The following PTPRT variants were observed in gnomAD, a reference collection of about 807,000 sequenced individuals.
PTPRT encodes receptor-type tyrosine-protein phosphatase T.
Under a neutral mutation model 176.8 loss-of-function variants are expected in PTPRT, and 56 were observed. The observed-to-expected ratio is 0.32, with a 90% CI of 0.26 to 0.40. The LOEUF (loss-of-function observed/expected upper bound fraction) is 0.40. Ranked by LOEUF, PTPRT falls within the 10% of genes least tolerant of loss-of-function variation. The probability of loss-of-function intolerance (pLI) is 1.00; values close to 1 mark genes in which losing one functional copy is unlikely to be tolerated. For missense variants in PTPRT, 1,540 were observed against 1,908.2 expected (o/e 0.81, Z 3.60); for synonymous variants, 783 against 739.0 (o/e 1.06, Z -0.96).
At chr20:42,776,600 A>C (rs1035002717) in intron 4 of PTPRT, among the ~76,000 whole-genome samples, 2 of 152,128 alleles carry the variant, frequency 1.3e-5, no homozygotes, top group Non-Finnish European at 2.9e-5. Flanking sequence ...TGAGAAAATA[A>C]AATACATTTA....
chr20:42,411,806 A>C (rs929768542), intron 9 of PTPRT, among the ~76,000 whole-genome samples: 1 of 151,570 alleles, frequency 6.6e-6, no homozygotes, highest in Non-Finnish European at 1.5e-5. Context: ...AGAAAAATCC[A>C]TATGAAAACA....
intron 12 of PTPRT, among the ~76,000 whole-genome samples, chr20:42,308,128 A>AC (rs1010302649): frequency 6.6e-6 from 1 of 150,980 alleles, no homozygotes; most frequent in Non-Finnish European, 1.5e-5. Flanking sequence ...TGAATAATCC[A>AC]CCCCTTTTTT....
At chr20:42,468,242 A>G (rs2071132960) in intron 8 of PTPRT, among the ~76,000 whole-genome samples, 1 of 152,164 alleles carries the variant, frequency 6.6e-6, no homozygotes, top group South Asian at 2.1e-4. Context: ...CATTCAGCCA[A>G]CTCAATCCTA....
At chr20:42,619,052 T>C (rs887861631) in intron 7 of PTPRT, among the ~76,000 whole-genome samples, 21 of 149,978 alleles carry the variant, frequency 1.4e-4, no homozygotes, top group Non-Finnish European at 3.0e-4. Context: ...TCTTTACATT[T>C]TGGCATGATT....
intron 1 of PTPRT, among the ~76,000 whole-genome samples, chr20:43,032,174 T>A (rs1986164620): frequency 6.6e-6 from 1 of 152,218 alleles, no homozygotes; most frequent in African/African-American, 2.4e-5. Flanking sequence ...TGTATGCAGC[T>A]GATCCAGAAT....
At chr20:42,576,945 T>C (rs2073272353) in intron 7 of PTPRT, among the ~76,000 whole-genome samples, 1 of 152,154 alleles carries the variant, frequency 6.6e-6, no homozygotes, top group African/African-American at 2.4e-5. Context: ...AGACAGTCCA[T>C]TTTGATACAG....
chr20:42,304,911 T>C (rs1314680789), intron 12 of PTPRT, among the ~76,000 whole-genome samples: 2 of 152,242 alleles, frequency 1.3e-5, no homozygotes, highest in Admixed American at 1.3e-4. Context: ...AGAGAAGCTA[T>C]GCAAACCTGC....
At chr20:43,164,197 G>A (rs1215931499) in intron 1 of PTPRT, among the ~76,000 whole-genome samples, 1 of 152,154 alleles carries the variant, frequency 6.6e-6, no homozygotes, top group African/African-American at 2.4e-5. Flanking sequence ...AGGAGAAAAC[G>A]AGTTTGCTGT....
intron 6 of PTPRT, among the ~76,000 whole-genome samples, chr20:42,691,435 A>G (rs1397111821): frequency 2.6e-5 from 4 of 152,016 alleles, no homozygotes; most frequent in Non-Finnish European, 5.9e-5. Context: ...GCAAGGGGGG[A>G]GATGCATAAT....
At chr20:42,327,638 C>G (rs1195149602) in intron 11 of PTPRT, among the ~76,000 whole-genome samples, 1 of 152,040 alleles carries the variant, frequency 6.6e-6, no homozygotes, top group African/African-American at 2.4e-5. Context: ...ATGCTTATGA[C>G]TGGCAAATCT....
chr20:42,664,164 C>T lies in PTPRT; in HGVS notation c.1153+13702G>A, dbSNP rs201836777. ...TCTGTAACACTGGACATTTTTAATA[C>T]GCTTTTTGCTATTCATATTTTGTTT... On this transcript the variant is annotated intron_variant, in intron 7 of 30. Transcript: ENST00000373187. Among the ~76,000 whole-genome samples, 197 of 152,230 alleles carry T rather than the reference C, an allele frequency of 1.3e-3. 2 individuals carry two copies. The highest frequency in any genetic ancestry group is 0.011 in the Admixed American group (165 of 15,288).
chr20:42,361,525 C>A (rs2058431759), intron 9 of PTPRT, among the ~76,000 whole-genome samples: 1 of 152,120 alleles, frequency 6.6e-6, no homozygotes, highest in African/African-American at 2.4e-5. Flanking sequence ...TCTGACTTGT[C>A]CACAGAGACT....
chr20:43,132,629 T>C (rs1016085365), intron 1 of PTPRT, among the ~76,000 whole-genome samples: 2 of 152,166 alleles, frequency 1.3e-5, no homozygotes, highest in Non-Finnish European at 2.9e-5. Context: ...TCTAAAAATA[T>C]GATTATTTTA....
intron 1 of PTPRT, among the ~76,000 whole-genome samples, chr20:43,012,871 G>A (rs551494581): frequency 6.6e-6 from 1 of 152,068 alleles, no homozygotes; most frequent in South Asian, 2.1e-4. Flanking sequence ...TGAGTCTGTG[G>A]TGCATCTCAT....
intron 1 of PTPRT, among the ~76,000 whole-genome samples, chr20:42,927,101 C>CT (rs1228385208): frequency 6.6e-6 from 1 of 152,170 alleles, no homozygotes; most frequent in East Asian, 1.9e-4. Context: ...CAAGGAAAAC[C>CT]TGAGGGTGCA....
At chr20:42,867,459 T>C (rs767111087) in intron 2 of PTPRT, among the ~76,000 whole-genome samples, 1 of 149,476 alleles carries the variant, frequency 6.7e-6, no homozygotes, top group Non-Finnish European at 1.5e-5. Flanking sequence ...TGTCATGGTA[T>C]CTTGTATCAT....
chr20:42,407,620 T>G (rs532733718), intron 9 of PTPRT, among the ~76,000 whole-genome samples: 1 of 152,180 alleles, frequency 6.6e-6, no homozygotes, highest in African/African-American at 2.4e-5. Context: ...CAGGTATGCT[T>G]ACCATCTCCA....
intron 10 of PTPRT, among the ~76,000 whole-genome samples, chr20:42,351,595 ATAAT>A (rs1370939009): frequency 6.6e-6 from 1 of 152,238 alleles, no homozygotes; most frequent in Non-Finnish European, 1.5e-5. Flanking sequence ...AGGTTCTGAA[ATAAT>A]TCTGCATTGT....
intron 23 of PTPRT, 74 bp downstream of exon 23, chr20:42,110,259 C>G (rs1986889433): frequency 7.1e-7 from 1 of 1,403,918 alleles, no homozygotes; most frequent in South Asian, 1.5e-5. Flanking sequence ...ACCACGTTGG[C>G]CAGGCTGGTC....
Sources: allele counts gnomAD v4.1 joint callset (sites outside exome capture counted in the v4.1 genomes callset), GRCh38; gene constraint gnomAD v4.1.1; transcripts MANE v1.5; gene names NCBI Gene and HGNC (gene_info 2026-07-23, HGNC 2026-07-21).